The following PLPPR1 variants were observed in gnomAD, a reference collection of about 807,000 sequenced individuals.
PLPPR1 encodes the protein phospholipid phosphatase related 1, also known as phospholipid phosphatase-related protein type 1.
PLPPR1 carries 10 observed loss-of-function variants against 33.1 expected under a neutral mutation model. The observed-to-expected ratio is 0.30, with a 90% CI of 0.19 to 0.51. The LOEUF is 0.51. PLPPR1 is among the 20% of genes least tolerant of loss of function. The probability of loss-of-function intolerance (pLI) is 0.97; values close to 1 mark genes in which losing one functional copy is unlikely to be tolerated. For missense variants in PLPPR1, 304 were observed against 408.1 expected (o/e 0.74, Z 2.20); for synonymous variants, 151 against 151.0 (o/e 1.00, Z 0.00).
rs1828910918 is a variant in PLPPR1 at position 101,309,208 on chromosome 9, T to C, written c.386-3T>C. 6.2e-7 allele frequency: 1 copy of C among 1,614,014 alleles called. No individual in the cohort carries two copies. The highest frequency in any genetic ancestry group is 1.1e-5 in the South Asian group (1 of 91,080). On this transcript the variant is annotated splice_region_variant and splice_polypyrimidine_tract_variant and intron_variant, in intron 4 of 7. Transcript: ENST00000374874. ...TTCCTAATGATTTTAAATCTTCTTATAGGGGTGTTTGCATTTGGACTTTTT... is the reference window on the plus strand; with the variant it reads ...TTCCTAATGATTTTAAATCTTCTTACAGGGGTGTTTGCATTTGGACTTTTT...
chr9:101,167,141 GGTGTGTGTGTGTGTGTGT>G lies in PLPPR1; in HGVS notation c.-45-18284_-45-18267del, dbSNP rs756843224. 1.3e-4 allele frequency among the ~76,000 whole-genome samples: 5 copies of G among 39,648 alleles called. No individual in the cohort carries two copies. The East Asian group carries it at 2.2e-3, about 17-fold the overall frequency. 26.0% of individuals were successfully genotyped at this position (39,648 alleles called of 152,430 possible). A position where few individuals can be genotyped will look rare whatever the true frequency, so the allele number is the denominator to read the frequency against. On this transcript the variant is annotated intron_variant, in intron 1 of 7. Transcript: ENST00000374874. The stretch of plus-strand genomic sequence containing the variant: ...TGCTGTCTCTGTCTTTATGTCTCTC[GGTGTGTGTGTGTGTGTGT>G]GTGTGTGTGTGTGTGTGTGTGTGTC...
chr9:101,306,791 A>T (rs1354589147), intron 4 of PLPPR1, among the ~76,000 whole-genome samples: 1 of 152,230 alleles, frequency 6.6e-6, no homozygotes, highest in East Asian at 1.9e-4. Context: ...CATTTTTAAA[A>T]CATCTTCAAA....
intron 2 of PLPPR1, among the ~76,000 whole-genome samples, chr9:101,227,413 C>T (rs1010266888): frequency 6.6e-6 from 1 of 152,046 alleles, no homozygotes; most frequent in African/African-American, 2.4e-5. Flanking sequence ...TGATGTTGAA[C>T]GTTTTTTCAT....
At chr9:101,292,515 A>G (rs954117605) in intron 4 of PLPPR1, among the ~76,000 whole-genome samples, 18 of 152,224 alleles carry the variant, frequency 1.2e-4, no homozygotes, top group East Asian at 3.9e-4. Context: ...TGAAATGAAG[A>G]AAAAAATGTT....
chr9:101,309,609 G>GC lies in PLPPR1; in HGVS notation c.636+155dup, dbSNP rs375672170. 117 of 802,602 alleles carry GC rather than the reference G, an allele frequency of 1.5e-4. No individual in the cohort carries two copies. The East Asian group carries it at 1.5e-3, about 11-fold the overall frequency. 49.7% of individuals were successfully genotyped at this position (802,602 alleles called of 1,614,324 possible). On this transcript the variant is annotated intron_variant, in intron 5 of 7. Coordinates refer to ENST00000374874, the MANE Select transcript of PLPPR1 (RefSeq NM_207299.2). ...TCTACATTATGCTATTGATATACTA[G>GC]CCCCCCCACACACACACTTCTACCC...
intron 1 of PLPPR1, among the ~76,000 whole-genome samples, chr9:101,175,742 A>C (rs2118698094): frequency 6.6e-6 from 1 of 152,260 alleles, no homozygotes; most frequent in Non-Finnish European, 1.5e-5. Context: ...CTTTGTCACC[A>C]AGAAACTCAA....
intron 2 of PLPPR1, among the ~76,000 whole-genome samples, chr9:101,230,828 G>GT (rs5899435): frequency 0.1 from 14,860 of 145,608 alleles, 879 homozygotes; most frequent in Non-Finnish European, 0.14. Flanking sequence ...CATTATTAAA[G>GT]TTTTTTTTTT....
chr9:101,158,298 A>T (rs1296738273), intron 1 of PLPPR1, among the ~76,000 whole-genome samples: 2 of 152,146 alleles, frequency 1.3e-5, no homozygotes, highest in African/African-American at 4.8e-5. Flanking sequence ...CTGGAAAGAG[A>T]TGAGAGAGGG....
chr9:101,232,100 G>GA (rs1827198080), intron 2 of PLPPR1, among the ~76,000 whole-genome samples: 1 of 152,076 alleles, frequency 6.6e-6, no homozygotes, highest in South Asian at 2.1e-4. Flanking sequence ...AGCCACAAGT[G>GA]AATGAACAAA....
chr9:101,234,652 C>G (rs1470451551), intron 2 of PLPPR1, among the ~76,000 whole-genome samples: 5 of 151,834 alleles, frequency 3.3e-5, no homozygotes, highest in African/African-American at 1.2e-4. Context: ...ACTAGAAATT[C>G]CTGTTCCAGG....
At chr9:101,054,097 T>C (rs1460750625) in intron 1 of PLPPR1, among the ~76,000 whole-genome samples, 1 of 152,002 alleles carries the variant, frequency 6.6e-6, no homozygotes, top group East Asian at 1.9e-4. Context: ...GTCAGGAGAA[T>C]CATTTGAACC....
chr9:101,317,278 T>C (rs1356736592), intron 6 of PLPPR1, 87 bp from the exon 7 acceptor site: 26 of 1,405,896 alleles, frequency 1.8e-5, no homozygotes, highest in Non-Finnish European at 2.5e-5. Context: ...GTGATGATAT[T>C]CAAGGGGAAA....
At chr9:101,249,981 C>T (rs1372160759) in intron 2 of PLPPR1, among the ~76,000 whole-genome samples, 3 of 151,968 alleles carry the variant, frequency 2.0e-5, no homozygotes, top group East Asian at 1.9e-4. Context: ...GGGGTTCAAC[C>T]GATATTTTTT....
At chr9:101,043,702 T>A (rs1027949245) in intron 1 of PLPPR1, among the ~76,000 whole-genome samples, 2 of 152,142 alleles carry the variant, frequency 1.3e-5, no homozygotes, top group African/African-American at 4.8e-5. Flanking sequence ...TACTTTTAGT[T>A]CTTTAAGGAA....
At chr9:101,218,195 G>T (rs528191114) in intron 2 of PLPPR1, among the ~76,000 whole-genome samples, 51 of 152,118 alleles carry the variant, frequency 3.4e-4, no homozygotes, top group Non-Finnish European at 6.2e-4. Context: ...TATCAATGTG[G>T]ATCAAAAATG....
chr9:101,042,793 T>A (rs1361503954), intron 1 of PLPPR1, among the ~76,000 whole-genome samples: 2 of 152,176 alleles, frequency 1.3e-5, no homozygotes, highest in Non-Finnish European at 2.9e-5. Context: ...TTAAAAATAA[T>A]TGTTTGATTA....
At chr9:101,303,867 T>C (rs908018949) in intron 4 of PLPPR1, among the ~76,000 whole-genome samples, 1 of 152,248 alleles carries the variant, frequency 6.6e-6, no homozygotes. Context: ...ACAACCATTG[T>C]AATTTCTCAG....
At chr9:101,066,524 T>G (rs1188804552) in intron 1 of PLPPR1, among the ~76,000 whole-genome samples, 1 of 152,026 alleles carries the variant, frequency 6.6e-6, no homozygotes, top group Non-Finnish European at 1.5e-5. Context: ...ATTCATTTCT[T>G]CTCCCTCATT....
chr9:101,074,477 C>T (rs1830513661), intron 1 of PLPPR1, among the ~76,000 whole-genome samples: 2 of 152,008 alleles, frequency 1.3e-5, no homozygotes, highest in African/African-American at 2.4e-5. Flanking sequence ...GCAACAGGTC[C>T]ACAAATATTC....
Sources: gnomAD v4.1 joint callset for allele counts (sites outside exome capture counted in the v4.1 genomes callset) on GRCh38, gnomAD v4.1.1 for gene constraint, MANE v1.5 for transcripts, NCBI Gene and HGNC (gene_info 2026-07-23, HGNC 2026-07-21) for gene names.